Variants in SPTBN5 observed in about 807,000 individuals in gnomAD.
The protein encoded by SPTBN5 is spectrin beta chain, non-erythrocytic 5.
In SPTBN5, 513 loss-of-function variants were observed where a neutral mutation model predicts 477.6. That is an observed-to-expected ratio of 1.07 (90% CI 1.00 to 1.16). The LOEUF (loss-of-function observed/expected upper bound fraction) is 1.16. Ranked by LOEUF, SPTBN5 falls within the 50% of genes most tolerant of loss-of-function variation. SPTBN5 has a pLI of 0.00. For missense variants in SPTBN5, 5,062 were observed against 4,731.8 expected, an observed-to-expected ratio of 1.07 and a Z score of -2.05; for synonymous variants, 2,169 against 2,011.7, an observed-to-expected ratio of 1.08 and a Z score of -2.09.
At chr15:41,877,746 T>G (rs539442206) in intron 17 of SPTBN5, among the ~76,000 whole-genome samples, 6 of 152,232 alleles carry the variant, frequency 3.9e-5, no homozygotes, top group Non-Finnish European at 7.3e-5. Context: ...AGAGCAAGGC[T>G]CCACTTCCTC....
intron 5 of SPTBN5, 77 bp downstream of exon 5, chr15:41,887,851 A>G: frequency 7.0e-7 from 1 of 1,426,706 alleles, no homozygotes; most frequent in Admixed American, 2.0e-5. Flanking sequence ...ATGTGGGAGA[A>G]CGGGTGGGCT....
At chr15:41,856,717 G>A in intron 52 of SPTBN5, 119 bp from the exon 53 acceptor site, 1 of 1,333,252 alleles carries the variant, frequency 7.5e-7, no homozygotes, top group African/African-American at 1.5e-5. Context: ...CTGTCCCCAT[G>A]ACTCCCAAAG....
chr15:41,850,675 G>A (rs1326968573), intron 66 of SPTBN5, 179 bp downstream of exon 66: 7 of 612,902 alleles, frequency 1.1e-5, no homozygotes, highest in Non-Finnish European at 1.7e-5. Flanking sequence ...GTGATCTTGG[G>A]CAAGTTGCGT....
Position 41,870,302 on chromosome 15 carries a change from C to G in SPTBN5, c.5614G>C (p.Glu1872Gln). 6.4e-7 allele frequency: 1 copy of G among 1,560,068 alleles called. No individual in the cohort carries two copies. Among genetic ancestry groups the G allele is most frequent in the Non-Finnish European group, 8.7e-7 (1 of 1,152,300 alleles). ...NNVARDLCGL[E>Q]AQLRSHQGLE... ...CCCTGGTGGCTTCTCAGCTGCGCCT[C>G]CAGCCCACACAGGTCCCGTGCCACA... The change falls in exon 31 of 68, where the codon GAG (glutamate) becomes CAG (glutamine). Residue 1872 changes from glutamate to glutamine, a missense_variant. Coordinates refer to ENST00000320955, the MANE Select transcript of SPTBN5 (RefSeq NM_016642.4).
chr15:41,863,930 C>A lies in SPTBN5; in HGVS notation c.7013G>T (p.Arg2338Leu). The part of the protein sequence containing the change: ...DPEEVKIICQ[R>L]RSQLNNRWAS... ...TGGCCTGTTGTTGAGCTGGCTTCGC[C>A]GCTGGCAGATGATCTTGACTTCCTC... Residue 2338 changes from arginine to leucine, a missense_variant, in exon 40 of 68, where the codon CGG becomes CTG. Physicochemically the swap from Arg to Leu is moderately radical, Grantham distance 102 (BLOSUM62 -2). Coordinates refer to ENST00000320955, the MANE Select transcript of SPTBN5 (RefSeq NM_016642.4). 1 of 1,613,854 alleles carries A rather than the reference C, an allele frequency of 6.2e-7. No homozygotes were observed. Among genetic ancestry groups the A allele is most frequent in the Non-Finnish European group, 8.5e-7 (1 of 1,179,852 alleles).
At chr15:41,884,608 A>G (rs2067088105) in intron 7 of SPTBN5, among the ~76,000 whole-genome samples, 1 of 152,138 alleles carries the variant, frequency 6.6e-6, no homozygotes, top group Admixed American at 6.5e-5. Flanking sequence ...TATTCCCAAC[A>G]TGACATCCAG....
intron 27 of SPTBN5, 126 bp downstream of exon 27, chr15:41,872,176 T>C (rs1306576427): frequency 1.6e-6 from 2 of 1,263,724 alleles, no homozygotes; most frequent in South Asian, 1.6e-5. Flanking sequence ...ACACACACCC[T>C]TTTCCCAATG....
At chr15:41,888,117 G>A (rs760831153) in intron 4 of SPTBN5, 32 bp from the exon 5 acceptor site, 36 of 1,546,556 alleles carry the variant, frequency 2.3e-5, no homozygotes, top group Non-Finnish European at 3.0e-5. Flanking sequence ...GTCACCATGC[G>A]GGGATGGGGT....
rs1441394325 is a variant in SPTBN5, at chr15:41,874,492, G to A, written c.4503-14C>T. The A allele has an allele frequency of 6.3e-7, 1 of 1,590,390 alleles. No homozygotes were observed. The highest frequency in any genetic ancestry group is 1.1e-5 in the South Asian group (1 of 88,606). The stretch of plus-strand genomic sequence containing the variant: ...AGAAGCTCCAGCCTAGGAGGAGGAG[G>A]AAGAGATTGGAGAGGTTGGGAACAG... On this transcript the variant is annotated splice_polypyrimidine_tract_variant and intron_variant, in intron 23 of 67. Coordinates refer to ENST00000320955, the MANE Select transcript of SPTBN5 (RefSeq NM_016642.4).
rs1393239345 is a variant in SPTBN5 at position 41,854,993 on chromosome 15, C to A, written c.9424-17G>T. On this transcript the variant is annotated splice_polypyrimidine_tract_variant and intron_variant, in intron 55 of 67. Transcript: ENST00000320955. ...TTCCAGCACCTGCAAAGGTATGAGG[C>A]CCAGCAGGGTCACTTGAGATGGTAT... 6.6e-7 allele frequency: 1 copy of A among 1,525,248 alleles called. No homozygotes were observed. The highest frequency in any genetic ancestry group is 8.8e-7 in the Non-Finnish European group (1 of 1,136,736). The allele number at this position is 1,525,248 out of a possible 1,614,324, so 94.5% of individuals were successfully genotyped here.
At position 41,851,070 on chromosome 15, in the gene SPTBN5, T is replaced by C. The variant is rs1225770215; in HGVS notation, c.10824A>G (p.Thr3608=). The C allele has an allele frequency of 3.7e-6, 6 of 1,612,178 alleles. No individual in the cohort carries two copies. Among genetic ancestry groups the C allele is most frequent in the Admixed American group, 1.7e-5 (1 of 59,896 alleles). ...RLRGRHGRKH[T]FSLRLTSGAE... is the part of the protein sequence containing the mutation. ...GTCTCTCCGCTCACCTTAAGGAGAA[T>C]GTGTGTTTCCTGCCGTGGCGGCCCC... is the stretch of plus-strand genomic sequence containing the variant. The change falls in exon 65 of 68, where the codon ACA becomes ACG. Residue 3608 remains threonine, a synonymous_variant. Transcript: ENST00000320955.
chr15:41,861,605 G>A (rs2066110142), intron 45 of SPTBN5, 109 bp from the exon 46 acceptor site: 1 of 1,510,188 alleles, frequency 6.6e-7, no homozygotes, highest in Non-Finnish European at 9.1e-7. Flanking sequence ...TGGAAGGCAG[G>A]AGTGCTGAGT....
chr15:41,887,919 G>C lies in SPTBN5; in HGVS notation c.659+9C>G. Reference sequence around the variant, plus strand: ...GGGCAGAGGCCTCCTGACAAGGGTGGGGTCACACCTGTGGGCATGGATGAG... The same window carrying C: ...GGGCAGAGGCCTCCTGACAAGGGTGCGGTCACACCTGTGGGCATGGATGAG... On this transcript the variant is annotated intron_variant, in intron 5 of 67. Coordinates refer to ENST00000320955, the MANE Select transcript of SPTBN5 (RefSeq NM_016642.4). The C allele has an allele frequency of 6.2e-7, 1 of 1,606,732 alleles. No homozygotes were observed. The highest frequency in any genetic ancestry group is 1.3e-5 in the African/African-American group (1 of 74,970).
chr15:41,851,007 T>C (rs1470636323), intron 65 of SPTBN5, 52 bp downstream of exon 65: 4 of 1,593,910 alleles, frequency 2.5e-6, no homozygotes, highest in Non-Finnish European at 3.4e-6. Context: ...CAGCCCCCGC[T>C]GAGCCAGGTG....
Position 41,857,644 on chromosome 15 carries a change from G to C in SPTBN5, c.8293C>G (p.Leu2765Val). 6.3e-7 allele frequency: 1 copy of C among 1,597,806 alleles called. No homozygotes were observed. The highest frequency in any genetic ancestry group is 2.3e-5 in the East Asian group (1 of 44,188). Residue 2765 changes from leucine (L) to valine (V), a missense_variant, in exon 50 of 68, where the codon CTG (leucine) becomes GTG (valine). Coordinates refer to ENST00000320955, the MANE Select transcript of SPTBN5 (RefSeq NM_016642.4). ...SEAIQERLEE[L>V]GALWGELQDN... ...TGCAGCTCACCCCAGAGTGCTCCCA[G>C]CTCCTCCAGTCGCTCCTGGATGGCC...
At chr15:41,865,289 C>T (rs180877283) in intron 39 of SPTBN5, among the ~76,000 whole-genome samples, 10 of 152,234 alleles carry the variant, frequency 6.6e-5, no homozygotes, top group Non-Finnish European at 2.9e-5. Flanking sequence ...TGAAGGTGGG[C>T]GCTGATTATC....
In SPTBN5 at chr15:41,875,613, C is replaced by G. The variant is rs1048135888; in HGVS notation, c.4132G>C (p.Glu1378Gln). ...CCACAGGGCCTCCTACTCAACAGCT[C>G]TCTCCCAACCTGGAGTGGAGATAAA... ...HVEALQQVGR[E>Q]LLSRRPCGQE... The change falls in exon 22 of 68, where the codon GAG becomes CAG. Residue 1378 changes from glutamate (E) to glutamine (Q), a missense_variant. Glu to Gln is a conservative substitution (Grantham distance 29, BLOSUM62 2). Transcript: ENST00000320955. 1 of 1,587,660 alleles carries G rather than the reference C, an allele frequency of 6.3e-7. No homozygotes were observed. The highest frequency in any genetic ancestry group is 1.3e-5 in the African/African-American group (1 of 74,534).
chr15:41,878,086 C>A (rs1313444933), intron 17 of SPTBN5, among the ~76,000 whole-genome samples: 1 of 152,180 alleles, frequency 6.6e-6, no homozygotes, highest in Non-Finnish European at 1.5e-5. Context: ...GCCAGCCGGG[C>A]CTGGGCTGCA....
chr15:41,861,451 T>A lies in SPTBN5; in HGVS notation c.7783A>T (p.Lys2595Ter), dbSNP rs2066104826. ...CCCTCACTGGCTAGGGAGTCTTCCTTGCTGCAAAGCCAACGTTCCATCTTC... is the reference window on the plus strand; with the variant it reads ...CCCTCACTGGCTAGGGAGTCTTCCTAGCTGCAAAGCCAACGTTCCATCTTC... ...VEKMERWLCS[K>*]EDSLASEGLW... The change falls in exon 46 of 68, where the codon AAG becomes TAG. Residue 2595 changes from lysine (K) to a stop codon, truncating the protein, a stop_gained. Transcript: ENST00000320955. LOFTEE classifies it high-confidence loss of function. The A allele has an allele frequency of 1.2e-6, 2 of 1,613,640 alleles. No individual in the cohort carries two copies. Among genetic ancestry groups the A allele is most frequent in the Non-Finnish European group, 1.7e-6 (2 of 1,179,878 alleles).
Sources: allele counts gnomAD v4.1 joint callset (sites outside exome capture counted in the v4.1 genomes callset), GRCh38; gene constraint gnomAD v4.1.1; transcripts MANE v1.5; gene names NCBI Gene and HGNC (gene_info 2026-07-23, HGNC 2026-07-21).